Variants in AHCTF1 observed in about 807,000 individuals in gnomAD.
AHCTF1 encodes protein ELYS.
Under a neutral mutation model 248.4 loss-of-function variants are expected in AHCTF1, and 24 were observed. That is an observed-to-expected ratio of 0.10 (90% CI 0.07 to 0.14). The LOEUF is 0.14. Among genes scored for constraint, AHCTF1 ranks in the 10% least tolerant of loss-of-function variants. The pLI is 1.00. For missense variants in AHCTF1, 2,206 were observed against 2,636.2 expected, an observed-to-expected ratio of 0.84 and a Z score of 3.57; for synonymous variants, 786 against 929.8, an observed-to-expected ratio of 0.85 and a Z score of 2.81.
At chr1:246,857,663 G>A (rs1661200776) in intron 30 of AHCTF1, 28 bp downstream of exon 30, 1 of 1,576,570 alleles carries the variant, frequency 6.3e-7, no homozygotes, top group Non-Finnish European at 8.6e-7. Context: ...CTTTCTAAAA[G>A]TATTTGAATT....
intron 4 of AHCTF1, among the ~76,000 whole-genome samples, chr1:246,909,003 C>T (rs1350946809): frequency 2.6e-5 from 4 of 151,518 alleles, no homozygotes; most frequent in Admixed American, 1.3e-4. Flanking sequence ...TACAGTTTCA[C>T]TCTCCAATTT....
intron 6 of AHCTF1, 62 bp from the exon 7 acceptor site, chr1:246,904,095 C>T: frequency 2.2e-6 from 3 of 1,393,702 alleles, no homozygotes; most frequent in Admixed American, 1.7e-5. Context: ...CTCTTACTGT[C>T]CAAGTAAGTT....
At chr1:246,926,940 T>G (rs564455937) in intron 1 of AHCTF1, among the ~76,000 whole-genome samples, 1 of 151,290 alleles carries the variant, frequency 6.6e-6, no homozygotes, top group Non-Finnish European at 1.5e-5. Flanking sequence ...TTTGGGAGGC[T>G]AAGGCGGGCG....
intron 1 of AHCTF1, among the ~76,000 whole-genome samples, chr1:246,926,917 G>A (rs1202488189): frequency 6.6e-6 from 1 of 152,106 alleles, no homozygotes; most frequent in Non-Finnish European, 1.5e-5. Context: ...GCACACGCCT[G>A]TAATCCCAGC....
chr1:246,891,134 A>G, intron 15 of AHCTF1, 74 bp from the exon 16 acceptor site: 1 of 851,712 alleles, frequency 1.2e-6, no homozygotes, highest in Non-Finnish European at 1.8e-6. Flanking sequence ...AAAATTAATC[A>G]CTTGGTAATT....
chr1:246,847,317 C>A (rs75044729), intron 33 of AHCTF1, among the ~76,000 whole-genome samples: 4,397 of 142,688 alleles, frequency 0.031, 251 homozygotes, highest in African/African-American at 0.11. Context: ...AAAAAAAAAA[C>A]TGAAAATGCT....
At chr1:246,861,407 T>A in intron 28 of AHCTF1, 112 bp from the exon 29 acceptor site, 1 of 986,926 alleles carries the variant, frequency 1.0e-6, no homozygotes, top group Non-Finnish European at 1.5e-6. Context: ...TTTACCCAAA[T>A]TCTCTCCTTA....
At chr1:246,922,982 CAAAAAAAAAAAA>C (rs34313695) in intron 1 of AHCTF1, among the ~76,000 whole-genome samples, 1 of 63,940 alleles carries the variant, frequency 1.6e-5, no homozygotes, top group Non-Finnish European at 2.9e-5. Context: ...GACTCTGTCT[CAAAAAAAAAAAA>C]AAAAAAAAAA....
intron 21 of AHCTF1, among the ~76,000 whole-genome samples, chr1:246,881,992 ACT>A (rs1003080798): frequency 4.5e-5 from 6 of 134,210 alleles, no homozygotes; most frequent in Non-Finnish European, 6.3e-5. Context: ...TATTATTATT[ACT>A]TTTTTTTTTG....
chr1:246,882,286 C>A (rs141296664), intron 21 of AHCTF1, among the ~76,000 whole-genome samples: 1 of 152,124 alleles, frequency 6.6e-6, no homozygotes, highest in Non-Finnish European at 1.5e-5. Flanking sequence ...CATGAGCCAC[C>A]GCACCTGGCC....
rs1664209078 is a variant in AHCTF1 at position 246,891,589 on chromosome 1, G to A, written c.1945+190C>T. On this transcript the variant is annotated intron_variant, in intron 15 of 35. Transcript: ENST00000648844. The stretch of plus-strand genomic sequence containing the variant: ...ATTTCCCAAGCTTATTTAAGCATGG[G>A]CTCATGGCATGTCTAACAACATTCT... Among the ~76,000 whole-genome samples the A allele has an allele frequency of 2.6e-5, 4 of 152,050 alleles. No individual in the cohort carries two copies. The South Asian group carries it at 8.3e-4, about 32-fold the overall frequency.
intron 29 of AHCTF1, among the ~76,000 whole-genome samples, chr1:246,859,073 A>G (rs1395152673): frequency 2.6e-5 from 4 of 152,188 alleles, no homozygotes; most frequent in South Asian, 2.1e-4. Context: ...TCTGTCTCAA[A>G]TAAGTAAGGC....
In AHCTF1 at chr1:246,860,944, C is replaced by T. The variant is rs781642189; in HGVS notation, c.4087G>A (p.Val1363Ile). The change falls in exon 29 of 36, where the codon GTA (valine) becomes ATA (isoleucine). Residue 1363 changes from valine to isoleucine, a missense_variant. Transcript: ENST00000648844. ...EQTEKDGDKD[V>I]FASEVTPSDL... ...GAAGGAGTTACTTCTGATGCAAATACATCTTTATCTCCATCCTTTTCAGTT... is the reference window on the plus strand; with the variant it reads ...GAAGGAGTTACTTCTGATGCAAATATATCTTTATCTCCATCCTTTTCAGTT... 8.7e-6 allele frequency: 14 copies of T among 1,612,528 alleles called. No individual in the cohort carries two copies. In the South Asian group the frequency reaches 1.2e-4, roughly 14 times the overall value.
chr1:246,854,732 C>G (rs1660985893), intron 31 of AHCTF1, among the ~76,000 whole-genome samples: 1 of 152,122 alleles, frequency 6.6e-6, no homozygotes, highest in South Asian at 2.1e-4. Context: ...CCATTTAAAA[C>G]TATTAATATT....
At chr1:246,885,205 T>TG (rs1663729412) in intron 21 of AHCTF1, among the ~76,000 whole-genome samples, 2 of 152,234 alleles carry the variant, frequency 1.3e-5, no homozygotes, top group Admixed American at 6.5e-5. Context: ...TCAGTATCCT[T>TG]GGGGGACTGG....
At chr1:246,882,825 A>G (rs1015731689) in intron 21 of AHCTF1, among the ~76,000 whole-genome samples, 1 of 152,208 alleles carries the variant, frequency 6.6e-6, no homozygotes, top group Non-Finnish European at 1.5e-5. Flanking sequence ...GTATGTCCAT[A>G]TATATAGCTC....
At chr1:246,920,621 T>A (rs1666470937) in intron 1 of AHCTF1, among the ~76,000 whole-genome samples, 1 of 150,894 alleles carries the variant, frequency 6.6e-6, no homozygotes, top group African/African-American at 2.4e-5. Flanking sequence ...ATACAAAAAA[T>A]TAGCCGAGCG....
chr1:246,913,845 A>T (rs1470636221), intron 3 of AHCTF1, among the ~76,000 whole-genome samples: 1 of 152,232 alleles, frequency 6.6e-6, no homozygotes, highest in Non-Finnish European at 1.5e-5. Context: ...AAGCTCTTAA[A>T]CAGCTACTCT....
intron 4 of AHCTF1, among the ~76,000 whole-genome samples, chr1:246,908,183 A>G (rs1281811051): frequency 2.0e-5 from 3 of 152,162 alleles, no homozygotes; most frequent in Non-Finnish European, 4.4e-5. Context: ...ATAATCTAGG[A>G]AGCTATCACA....
Sources: allele counts gnomAD v4.1 joint callset (sites outside exome capture counted in the v4.1 genomes callset), GRCh38; gene constraint gnomAD v4.1.1; transcripts MANE v1.5; gene names NCBI Gene and HGNC (gene_info 2026-07-23, HGNC 2026-07-21).